TERT: variants seen among roughly 807,000 people sequenced by gnomAD.
TERT encodes telomerase catalytic subunit.
TERT carries 42 observed loss-of-function variants against 104.0 expected under a neutral mutation model. That is an observed-to-expected ratio of 0.40 (90% CI 0.32 to 0.52). The LOEUF is 0.52. Among genes scored for constraint, TERT ranks in the 20% least tolerant of loss-of-function variants. The probability of loss-of-function intolerance (pLI) is 0.43; values close to 1 mark genes in which losing one functional copy is unlikely to be tolerated. For missense variants in TERT, 1,101 were observed against 1,610.3 expected, an observed-to-expected ratio of 0.68 and a Z score of 5.41; for synonymous variants, 781 against 725.6, an observed-to-expected ratio of 1.08 and a Z score of -1.23.
At chr5:1,260,387 T>C in intron 12 of TERT, 87 bp downstream of exon 12, 2 of 1,597,322 alleles carry the variant, frequency 1.3e-6, no homozygotes, top group Non-Finnish European at 1.7e-6. Context: ...CCATCAGCCT[T>C]GCAGGCACGC....
rs1051177433 is a variant in TERT at position 1,286,048 on chromosome 5, G to A, written c.1574-3424C>T. ...TTTGCGCGATTTCAAACTCGACACC[G>A]CGGAGCCACCAGACCCCGACATGCC... On this transcript the variant is annotated intron_variant, in intron 2 of 15. Transcript: ENST00000310581. This position sits in a 1 kb window ranked among gnomAD's most constrained non-coding sequence, Gnocchi z 5.3. Among the ~76,000 whole-genome samples the A allele has an allele frequency of 2.0e-5, 3 of 152,056 alleles. No individual in the cohort carries two copies. The highest frequency in any genetic ancestry group is 1.9e-4 in the East Asian group (1 of 5,162).
At position 1,253,588 on chromosome 5, in the gene TERT, T is replaced by G. The variant is rs1449963172; in HGVS notation, c.*140A>C. ...CAGCCTTCAGCCGGACATGCAGGCC[T>G]CGGCCAAACACTCACTCAGGCCTCA... On this transcript the variant is annotated 3_prime_UTR_variant, in exon 16 of 16. Transcript: ENST00000310581. 1.4e-6 allele frequency: 1 copy of G among 727,252 alleles called. No homozygotes were observed. Among genetic ancestry groups the G allele is most frequent in the Non-Finnish European group, 2.4e-6 (1 of 424,078 alleles). 45.0% of individuals were successfully genotyped at this position (727,252 alleles called of 1,614,324 possible).
In TERT at chr5:1,271,178, A is replaced by G. The variant is rs1385339173; in HGVS notation, c.2409T>C (p.Ser803=). ...AGCGTAGGAAGACGTCGAAGAGGCC[A>G]CTGCTGGCCTCATTCAGGGAGGAGC... is the stretch of plus-strand genomic sequence containing the variant. ...EQSSSLNEAS[S]GLFDVFLRFM... The change falls in exon 8 of 16, where the codon AGT becomes AGC. Residue 803 remains serine (S), a synonymous_variant. Coordinates refer to ENST00000310581, the MANE Select transcript of TERT (RefSeq NM_198253.3). The G allele has an allele frequency of 1.2e-6, 2 of 1,613,212 alleles. No homozygotes were observed. The highest frequency in any genetic ancestry group is 8.5e-7 in the Non-Finnish European group (1 of 1,180,010).
In TERT at chr5:1,262,739, TTGTC is replaced by T. The variant is rs1561192082; in HGVS notation, c.2843+1661_2843+1664del. Among the ~76,000 whole-genome samples, 1 of 152,212 alleles carries T rather than the reference TTGTC, an allele frequency of 6.6e-6. No homozygotes were observed. The highest frequency in any genetic ancestry group is 1.9e-4 in the East Asian group (1 of 5,202). ...GAGAGAACCCATTTTCCTGATTTGT[TTGTC>T]TGTCCTTTGTCCTTCAATAACATTC... On this transcript the variant is annotated intron_variant, in intron 11 of 15. Coordinates refer to ENST00000310581, the MANE Select transcript of TERT (RefSeq NM_198253.3). This position sits in a 1 kb window ranked among gnomAD's most constrained non-coding sequence, Gnocchi z 5.6.
Position 1,255,157 on chromosome 5 carries a change from G to C in TERT, c.3157+130C>G. 1 of 1,203,942 alleles carries C rather than the reference G, an allele frequency of 8.3e-7. No individual in the cohort carries two copies. Among genetic ancestry groups the C allele is most frequent in the Non-Finnish European group, 1.2e-6 (1 of 843,510 alleles). The allele number at this position is 1,203,942 out of a possible 1,614,324, so 74.6% of individuals were successfully genotyped here. Reference sequence around the variant, plus strand: ...AGGGCGGGCAGACGAGCCTGACAGTGGTTGGGTTAAACCACTTCCTGATGC... The same window carrying C: ...AGGGCGGGCAGACGAGCCTGACAGTCGTTGGGTTAAACCACTTCCTGATGC... On this transcript the variant is annotated intron_variant, in intron 14 of 15. Coordinates refer to ENST00000310581, the MANE Select transcript of TERT (RefSeq NM_198253.3). This position sits in a 1 kb window ranked among gnomAD's most constrained non-coding sequence, Gnocchi z 6.9.
chr5:1,266,398 CG>C (rs1358691014), intron 10 of TERT, 65 bp downstream of exon 10: 1 of 1,379,408 alleles, frequency 7.2e-7, no homozygotes, highest in Non-Finnish European at 1.0e-6. Context: ...GGGCAGGACA[CG>C]GGGGGCTCAA....
chr5:1,266,365 C>A, intron 10 of TERT, 99 bp downstream of exon 10: 1 of 1,092,554 alleles, frequency 9.2e-7, no homozygotes, highest in Non-Finnish European at 1.4e-6. Flanking sequence ...GAGGACTTGG[C>A]AGAGACAACG....
At chr5:1,266,408 A>T in intron 10 of TERT, 56 bp downstream of exon 10, 1 of 1,471,944 alleles carries the variant, frequency 6.8e-7, no homozygotes, top group Non-Finnish European at 9.4e-7. Context: ...CGGGGGGCTC[A>T]ACTGCAAAGC....
At position 1,255,191 on chromosome 5, in the gene TERT, G is replaced by T. The variant is rs1248451794; in HGVS notation, c.3157+96C>A. The T allele has an allele frequency of 2.0e-6, 3 of 1,513,248 alleles. No homozygotes were observed. The highest frequency in any genetic ancestry group is 2.8e-5 in the African/African-American group (2 of 72,510). The allele number at this position is 1,513,248 out of a possible 1,614,324, so 93.7% of individuals were successfully genotyped here. On this transcript the variant is annotated intron_variant, in intron 14 of 15. Transcript: ENST00000310581. This position sits in a 1 kb window ranked among gnomAD's most constrained non-coding sequence, Gnocchi z 6.9. The stretch of plus-strand genomic sequence containing the variant: ...AAACCACTTCCTGATGCGAAAAGGG[G>T]TAAGAACTTCCTAAGCCCAGATTCA...
Position 1,262,295 on chromosome 5 carries a change from C to T in TERT, c.2844-1695G>A, listed in dbSNP as rs539235195. Among the ~76,000 whole-genome samples the T allele has an allele frequency of 6.6e-6, 1 of 152,268 alleles. No homozygotes were observed. The highest frequency in any genetic ancestry group is 2.1e-4 in the South Asian group (1 of 4,814). On this transcript the variant is annotated intron_variant, in intron 11 of 15. Transcript: ENST00000310581. The surrounding 1 kb of genome is among the most constrained non-coding windows in gnomAD (Gnocchi z 5.6). ...ACACTCTCTTTTCCATCAGCTGTGCCACATACCACATTAACACACGTTTCT... is the reference window on the plus strand; with the variant it reads ...ACACTCTCTTTTCCATCAGCTGTGCTACATACCACATTAACACACGTTTCT...
At chr5:1,283,430 T>A (rs1750201518) in intron 2 of TERT, among the ~76,000 whole-genome samples, 2 of 138,682 alleles carry the variant, frequency 1.4e-5, no homozygotes, top group African/African-American at 2.8e-5. Context: ...ACCTGCACCA[T>A]CCAGACACCG....
chr5:1,267,626 C>T (rs940215397), intron 9 of TERT, among the ~76,000 whole-genome samples: 6 of 152,218 alleles, frequency 3.9e-5, no homozygotes, highest in African/African-American at 1.2e-4. Context: ...AAATGTGGCA[C>T]ATATACACCA....
chr5:1,282,836 A>G, intron 2 of TERT: 1 of 615,616 alleles, frequency 1.6e-6, no homozygotes, highest in Non-Finnish European at 2.9e-6. Flanking sequence ...GACACCGCAT[A>G]TCCAGCTCAC....
At position 1,285,782 on chromosome 5, in the gene TERT, A is replaced by C. The variant is rs540166783; in HGVS notation, c.1574-3158T>G. 2.0e-5 allele frequency among the ~76,000 whole-genome samples: 3 copies of C among 151,866 alleles called. No homozygotes were observed. In the East Asian group the frequency reaches 5.8e-4, roughly 30 times the overall value. On this transcript the variant is annotated intron_variant, in intron 2 of 15. Transcript: ENST00000310581. ...ATGGGGTTTCATCATGTTGGCCAGG[A>C]TGGTCTCGACCTCCTGACCTCGTGA...
chr5:1,292,803 G>A lies in TERT; in HGVS notation c.1573+510C>T, dbSNP rs1450457730. 6.6e-6 allele frequency among the ~76,000 whole-genome samples: 1 copy of A among 152,174 alleles called. No individual in the cohort carries two copies. The highest frequency in any genetic ancestry group is 1.5e-5 in the Non-Finnish European group (1 of 68,030). ...GCTGGGATTACCGGCGTGAGCCACC[G>A]CACCTGGCCGTCAACACACAATTAA... On this transcript the variant is annotated intron_variant, in intron 2 of 15. Transcript: ENST00000310581. This position sits in a 1 kb window ranked among gnomAD's most constrained non-coding sequence, Gnocchi z 5.5.
chr5:1,266,940 A>G (rs1018979214), intron 9 of TERT, among the ~76,000 whole-genome samples: 8 of 152,080 alleles, frequency 5.3e-5, no homozygotes, highest in African/African-American at 1.9e-4. Flanking sequence ...ATGATCCGAG[A>G]CCCAGATCCT....
Position 1,294,526 on chromosome 5 carries a change from G to C in TERT, c.360C>G (p.Arg120=). ...GPPEAFTTSV[R]SYLPNTVTDA... ...CGGTCACCGTGTTGGGCAGGTAGCT[G>C]CGCACGCTGGTGGTGAAGGCCTCGG... The change falls in exon 2 of 16, where the codon CGC becomes CGG. Residue 120 remains arginine, a synonymous_variant. Transcript: ENST00000310581. 2 of 1,577,106 alleles carry C rather than the reference G, an allele frequency of 1.3e-6. No individual in the cohort carries two copies. Among genetic ancestry groups the C allele is most frequent in the Non-Finnish European group, 1.7e-6 (2 of 1,169,454 alleles).
rs1444231737 is a variant in TERT at position 1,293,914 on chromosome 5, C to T, written c.972G>A (p.Val324=). The part of the protein sequence containing the change: ...PRPWDTPCPP[V]YAETKHFLYS... ...AGAGGAAGTGCTTGGTCTCGGCGTA[C>T]ACCGGGGGACAAGGCGTGTCCCAGG... is the stretch of plus-strand genomic sequence containing the variant. The change falls in exon 2 of 16, where the codon GTG becomes GTA. Residue 324 remains valine, a synonymous_variant. Coordinates refer to ENST00000310581, the MANE Select transcript of TERT (RefSeq NM_198253.3). 9 of 1,542,038 alleles carry T rather than the reference C, an allele frequency of 5.8e-6. No homozygotes were observed. Among genetic ancestry groups the T allele is most frequent in the Admixed American group, 3.9e-5 (2 of 51,022 alleles).
At chr5:1,280,776 G>T (rs868418379) in intron 3 of TERT, among the ~76,000 whole-genome samples, 3 of 152,292 alleles carry the variant, frequency 2.0e-5, no homozygotes, top group Middle Eastern at 3.4e-3. Flanking sequence ...GGAGAGGGCG[G>T]GAGAGGCTGC....
Sources: gnomAD v4.1 joint callset for allele counts (sites outside exome capture counted in the v4.1 genomes callset) on GRCh38, gnomAD v4.1.1 for gene constraint, Gnocchi (gnomAD v3.1) non-coding constraint, MANE v1.5 for transcripts, NCBI Gene and HGNC (gene_info 2026-07-23, HGNC 2026-07-21) for gene names.